Variants in DOCK4 observed in about 807,000 individuals in gnomAD.
DOCK4 encodes the protein dedicator of cytokinesis 4.
In DOCK4, 97 loss-of-function variants were observed where a neutral mutation model predicts 268.1. The ratio of observed to expected loss-of-function variants is 0.36; its 90% CI spans 0.31 to 0.43. The LOEUF (loss-of-function observed/expected upper bound fraction) is 0.43, where lower values mean the gene tolerates loss of function less well. DOCK4 is among the 20% of genes least tolerant of loss of function. The probability of loss-of-function intolerance (pLI) is 1.00; values close to 1 mark genes in which losing one functional copy is unlikely to be tolerated. For synonymous variants in DOCK4, 954 were observed against 887.2 expected (o/e 1.08, Z -1.34); for missense variants, 2,145 against 2,455.7 (o/e 0.87, Z 2.67).
At chr7:112,083,189 G>T (rs1190040680) in intron 1 of DOCK4, among the ~76,000 whole-genome samples, 1 of 152,050 alleles carries the variant, frequency 6.6e-6, no homozygotes, top group African/African-American at 2.4e-5. Flanking sequence ...GATTAATTAT[G>T]AATTAGGAAT....
chr7:112,105,347 A>AT (rs1398422063), intron 1 of DOCK4, among the ~76,000 whole-genome samples: 5 of 152,140 alleles, frequency 3.3e-5, no homozygotes, highest in African/African-American at 1.2e-4. Context: ...TAAAAAGTAC[A>AT]TTTTTAAAAA....
At chr7:111,844,681 A>G (rs1803952706) in intron 25 of DOCK4, 82 bp downstream of exon 25, 2 of 1,476,224 alleles carry the variant, frequency 1.4e-6, no homozygotes, top group East Asian at 4.8e-5. Flanking sequence ...CACATTTTCC[A>G]GATTATAACA....
intron 49 of DOCK4, among the ~76,000 whole-genome samples, chr7:111,738,917 G>A (rs899276280): frequency 2.3e-4 from 35 of 151,740 alleles, no homozygotes; most frequent in African/African-American, 8.0e-4. Flanking sequence ...TAGCCTGGGT[G>A]ACAGCGAGAT....
chr7:111,961,169 G>GT (rs1328808428), intron 8 of DOCK4, among the ~76,000 whole-genome samples: 2 of 152,016 alleles, frequency 1.3e-5, no homozygotes, highest in African/African-American at 2.4e-5. Context: ...AGCTGATCTT[G>GT]TTTCCCCCTT....
At chr7:112,167,792 CTAAA>C (rs1248168612) in intron 1 of DOCK4, among the ~76,000 whole-genome samples, 1 of 152,122 alleles carries the variant, frequency 6.6e-6, no homozygotes, top group Non-Finnish European at 1.5e-5. Context: ...AAGTACTATA[CTAAA>C]TAATCTCTAA....
Position 111,760,448 on chromosome 7 carries a change from C to T in DOCK4, c.4021-126G>A, listed in dbSNP as rs557691874. On this transcript the variant is annotated intron_variant, in intron 39 of 52. Transcript: ENST00000428084. Reference sequence around the variant, plus strand: ...TACCAAGACACTATAACAAAAATTACGCTGGAACAATCTGAAAAGTTTGCC... The same window carrying T: ...TACCAAGACACTATAACAAAAATTATGCTGGAACAATCTGAAAAGTTTGCC... 2.2e-5 allele frequency: 21 copies of T among 948,308 alleles called. 1 individual carries two copies. The highest frequency in any genetic ancestry group is 1.6e-4 in the African/African-American group (10 of 61,018). The allele number at this position is 948,308 out of a possible 1,614,324, so 58.7% of individuals were successfully genotyped here. A position where few individuals can be genotyped will look rare whatever the true frequency, so the allele number is the denominator to read the frequency against.
chr7:111,994,643 C>T (rs1051182975), intron 4 of DOCK4, among the ~76,000 whole-genome samples: 1 of 152,138 alleles, frequency 6.6e-6, no homozygotes, highest in Non-Finnish European at 1.5e-5. Flanking sequence ...AAAAGGAACA[C>T]CATTCAATCA....
At chr7:112,131,718 A>G (rs1337008301) in intron 1 of DOCK4, among the ~76,000 whole-genome samples, 1 of 152,170 alleles carries the variant, frequency 6.6e-6, no homozygotes, top group African/African-American at 2.4e-5. Flanking sequence ...GAGAAAGAGA[A>G]AAAAAAATCA....
At chr7:111,770,379 C>T (rs1420192497) in intron 36 of DOCK4, among the ~76,000 whole-genome samples, 1 of 151,950 alleles carries the variant, frequency 6.6e-6, no homozygotes, top group African/African-American at 2.4e-5. Flanking sequence ...TGTGATATGA[C>T]TGCCTTGCCC....
intron 41 of DOCK4, among the ~76,000 whole-genome samples, chr7:111,756,264 G>GC (rs1797012133): frequency 6.6e-6 from 1 of 152,174 alleles, no homozygotes; most frequent in Admixed American, 6.5e-5. Flanking sequence ...CAGAAGAATG[G>GC]CGTGAACTTG....
intron 1 of DOCK4, among the ~76,000 whole-genome samples, chr7:112,204,475 C>G (rs1587058376): frequency 6.6e-6 from 1 of 152,104 alleles, no homozygotes; most frequent in Non-Finnish European, 1.5e-5. Flanking sequence ...GTTAATCTAC[C>G]TCCCAAAAAA....
At chr7:111,932,050 G>C (rs1794246952) in intron 12 of DOCK4, among the ~76,000 whole-genome samples, 1 of 152,186 alleles carries the variant, frequency 6.6e-6, no homozygotes, top group African/African-American at 2.4e-5. Context: ...ACTTATGTTA[G>C]AGTCTATCTA....
chr7:111,907,419 A>G (rs1791678670), intron 13 of DOCK4, among the ~76,000 whole-genome samples: 1 of 152,076 alleles, frequency 6.6e-6, no homozygotes, highest in South Asian at 2.1e-4. Flanking sequence ...ACTCTGAGAC[A>G]ATGCATGGAG....
intron 39 of DOCK4, 21 bp from the exon 40 acceptor site, chr7:111,760,343 G>C (rs765852463): frequency 5.0e-5 from 80 of 1,608,502 alleles, no homozygotes; most frequent in Non-Finnish European, 6.1e-5. Context: ...AAGCAAAAAA[G>C]AAATTAGGGC....
In DOCK4 at chr7:111,740,454, C is replaced by T. The variant is rs1465676322; in HGVS notation, c.5040+640G>A. Among the ~76,000 whole-genome samples the T allele has an allele frequency of 1.2e-4, 18 of 149,394 alleles. No individual in the cohort carries two copies. In the East Asian group the frequency reaches 3.2e-3, roughly 27 times the overall value. On this transcript the variant is annotated intron_variant, in intron 47 of 52. Coordinates refer to ENST00000428084, the MANE Select transcript of DOCK4 (RefSeq NM_001363540.2). ...GCCATTTTGGAATGCTAAGAGGGGC[C>T]GGGCGCAGTAGCTCATGCCTGTAAT...
chr7:111,876,233 A>G (rs905905100), intron 17 of DOCK4, among the ~76,000 whole-genome samples: 7 of 152,188 alleles, frequency 4.6e-5, no homozygotes, highest in Non-Finnish European at 1.0e-4. Context: ...GTTGAAATTG[A>G]GAGGTGTTTT....
intron 27 of DOCK4, chr7:111,819,307 G>C (rs902441255): frequency 6.6e-6 from 1 of 152,148 alleles, no homozygotes; most frequent in Non-Finnish European, 1.5e-5. Context: ...GGGGTGGAGA[G>C]AAGCTTGTCT....
At chr7:112,012,381 G>A (rs1190736605) in intron 1 of DOCK4, among the ~76,000 whole-genome samples, 1 of 152,054 alleles carries the variant, frequency 6.6e-6, no homozygotes, top group Non-Finnish European at 1.5e-5. Flanking sequence ...AGACTGATAA[G>A]GAAAGTAACG....
At chr7:112,100,001 G>T (rs1292060593) in intron 1 of DOCK4, among the ~76,000 whole-genome samples, 1 of 152,006 alleles carries the variant, frequency 6.6e-6, no homozygotes, top group Non-Finnish European at 1.5e-5. Context: ...AATGTTCTAG[G>T]TTATTATAAT....
Sources: allele counts gnomAD v4.1 joint callset (sites outside exome capture counted in the v4.1 genomes callset), GRCh38; gene constraint gnomAD v4.1.1; transcripts MANE v1.5; gene names NCBI Gene and HGNC (gene_info 2026-07-23, HGNC 2026-07-21).